The following ACYP2 variants were observed in gnomAD, a reference collection of about 807,000 sequenced individuals.
ACYP2 encodes acylphosphatase-2.
A neutral mutation model predicts 11.2 loss-of-function variants in ACYP2; 12 were observed. The observed-to-expected ratio is 1.08, with a 90% CI of 0.69 to 1.74. The LOEUF (loss-of-function observed/expected upper bound fraction) is 1.74, where lower values mean the gene tolerates loss of function less well. Among genes scored for constraint, ACYP2 ranks in the 40% most tolerant of loss-of-function variants. The pLI is 0.00. For missense variants in ACYP2, 134 were observed against 101.9 expected, an observed-to-expected ratio of 1.31 and a Z score of -1.35; for synonymous variants, 43 against 32.2, an observed-to-expected ratio of 1.33 and a Z score of -1.13.
intron 6 of ACYP2, among the ~76,000 whole-genome samples, chr2:54,208,321 T>G (rs1685168611): frequency 6.6e-6 from 1 of 152,214 alleles, no homozygotes. Context: ...ATACTACCCT[T>G]AGTCTTACAT....
intron 6 of ACYP2, among the ~76,000 whole-genome samples, chr2:54,270,977 T>C (rs1192739155): frequency 2.0e-5 from 3 of 152,260 alleles, no homozygotes; most frequent in Non-Finnish European, 4.4e-5. Flanking sequence ...CATACAATTC[T>C]TTATCATTTT....
chr2:54,147,589 G>A (rs367930914), intron 6 of ACYP2, among the ~76,000 whole-genome samples: 114 of 152,174 alleles, frequency 7.5e-4, no homozygotes, highest in African/African-American at 2.5e-3. Context: ...CGGTGGCTCA[G>A]TCATAGCTCA....
At chr2:54,282,058 A>G (rs772287342) in intron 6 of ACYP2, among the ~76,000 whole-genome samples, 8 of 152,206 alleles carry the variant, frequency 5.3e-5, no homozygotes, top group Admixed American at 6.5e-5. Context: ...ATATGTTGTT[A>G]TTCATAATTC....
At chr2:54,117,684 T>A (rs1215749963) in intron 4 of ACYP2, among the ~76,000 whole-genome samples, 1 of 152,200 alleles carries the variant, frequency 6.6e-6, no homozygotes, top group Admixed American at 6.5e-5. Context: ...CTCTAGAGGT[T>A]TTTACACTTT....
At chr2:54,050,581 AAAC>A (rs1287710022) in intron 2 of ACYP2, among the ~76,000 whole-genome samples, 1 of 151,876 alleles carries the variant, frequency 6.6e-6, no homozygotes, top group Non-Finnish European at 1.5e-5. Flanking sequence ...TAACTAAAGA[AAAC>A]AAAATTTTAA....
chr2:54,044,635 C>T (rs1453901594), intron 2 of ACYP2, among the ~76,000 whole-genome samples: 2 of 151,924 alleles, frequency 1.3e-5, no homozygotes, highest in Non-Finnish European at 2.9e-5. Flanking sequence ...GGGAGGCAAA[C>T]GGTTTATTAA....
At chr2:54,218,319 G>A (rs1032449255) in intron 6 of ACYP2, among the ~76,000 whole-genome samples, 1 of 152,056 alleles carries the variant, frequency 6.6e-6, no homozygotes, top group African/African-American at 2.4e-5. Flanking sequence ...TATCCTTGTT[G>A]GTCCCTCTGC....
chr2:54,117,240 T>C (rs1461208556), intron 4 of ACYP2, among the ~76,000 whole-genome samples: 10 of 152,186 alleles, frequency 6.6e-5, no homozygotes, highest in Admixed American at 5.2e-4. Flanking sequence ...ATAAAAAGTA[T>C]GATAAACATT....
intron 6 of ACYP2, among the ~76,000 whole-genome samples, chr2:54,266,656 A>G (rs1317598126): frequency 8.9e-6 from 1 of 111,866 alleles, no homozygotes; most frequent in Non-Finnish European, 1.6e-5. Flanking sequence ...CCCATGCTGG[A>G]GTGCAGTGGC....
chr2:53,989,954 G>A (rs1417315276), intron 2 of ACYP2, among the ~76,000 whole-genome samples: 2 of 150,480 alleles, frequency 1.3e-5, no homozygotes, highest in African/African-American at 2.4e-5. Flanking sequence ...ACTTCTGTGA[G>A]TTACATAAAC....
chr2:54,118,896 G>C (rs1257178858), intron 4 of ACYP2, among the ~76,000 whole-genome samples: 1 of 151,980 alleles, frequency 6.6e-6, no homozygotes, highest in Non-Finnish European at 1.5e-5. Context: ...GCCAAGCTCT[G>C]TACTCAACAT....
At chr2:54,301,382 C>T (rs1365632479) in intron 6 of ACYP2, among the ~76,000 whole-genome samples, 1 of 152,178 alleles carries the variant, frequency 6.6e-6, no homozygotes, top group African/African-American at 2.4e-5. Flanking sequence ...GTTAACCCCC[C>T]AATTCCCTTC....
At chr2:54,076,735 C>T (rs904656122) in intron 4 of ACYP2, among the ~76,000 whole-genome samples, 4 of 152,076 alleles carry the variant, frequency 2.6e-5, no homozygotes. Flanking sequence ...AGAGAGGGTA[C>T]AGCAGCCATT....
In ACYP2 at chr2:54,266,590, C is replaced by CTTT. The variant is rs138812389; in HGVS notation, c.405-38067_405-38065dup. On this transcript the variant is annotated intron_variant, in intron 6 of 6. Transcript: ENST00000607452. Reference sequence around the variant, plus strand: ...TAGATAGATATAGATATCTATCTATCTTTTTTTTTTTTTTTTTTTTTTTTT... The same window carrying CTTT: ...TAGATAGATATAGATATCTATCTATCTTTTTTTTTTTTTTTTTTTTTTTTTTTT... 2.6e-3 allele frequency among the ~76,000 whole-genome samples: 138 copies of CTTT among 52,260 alleles called. 17 individuals carry two copies. Among genetic ancestry groups the CTTT allele is most frequent in the African/African-American group, 7.1e-3 (94 of 13,210 alleles). The allele number at this position is 52,260 out of a possible 152,430, so 34.3% of individuals were successfully genotyped here. A position where few individuals can be genotyped will look rare whatever the true frequency, so the allele number is the denominator to read the frequency against.
intron 6 of ACYP2, among the ~76,000 whole-genome samples, chr2:54,183,753 C>G (rs1339666922): frequency 6.6e-6 from 1 of 152,020 alleles, no homozygotes. Flanking sequence ...GATGAACTAC[C>G]AATTATAATT....
chr2:54,128,320 C>A (rs749222547), intron 4 of ACYP2, among the ~76,000 whole-genome samples: 4 of 152,148 alleles, frequency 2.6e-5, no homozygotes, highest in African/African-American at 4.8e-5. Flanking sequence ...ACTGGAGGAA[C>A]CTCTGTATCA....
intron 2 of ACYP2, among the ~76,000 whole-genome samples, chr2:53,984,560 A>G (rs1347589312): frequency 6.6e-6 from 1 of 151,786 alleles, no homozygotes. Flanking sequence ...CTGGGCAACA[A>G]GAGCAAAACT....
intron 6 of ACYP2, among the ~76,000 whole-genome samples, chr2:54,252,726 A>C (rs139364902): frequency 6.6e-6 from 1 of 152,230 alleles, no homozygotes; most frequent in African/African-American, 2.4e-5. Flanking sequence ...AACACGGTGA[A>C]ACCCCGTCTC....
At chr2:54,092,546 C>G (rs990212471) in intron 4 of ACYP2, among the ~76,000 whole-genome samples, 4 of 152,052 alleles carry the variant, frequency 2.6e-5, no homozygotes, top group African/African-American at 9.7e-5. Context: ...CCATCTAGAG[C>G]AGCATAGGTG....
Sources: gnomAD v4.1 joint callset for allele counts (sites outside exome capture counted in the v4.1 genomes callset) on GRCh38, gnomAD v4.1.1 for gene constraint, MANE v1.5 for transcripts, NCBI Gene and HGNC (gene_info 2026-07-23, HGNC 2026-07-21) for gene names.